Variants in XPO1 observed in about 807,000 individuals in gnomAD.
The protein encoded by XPO1 is exportin 1, also known as exportin-1.
A neutral mutation model predicts 133.3 loss-of-function variants in XPO1; 5 were observed. The observed-to-expected ratio is 0.04, with a 90% CI of 0.02 to 0.08. The LOEUF is 0.08. Ranked by LOEUF, XPO1 falls within the 10% of genes least tolerant of loss-of-function variation. The pLI is 1.00. For missense variants in XPO1, 506 were observed against 1,267.5 expected, an observed-to-expected ratio of 0.40 and a Z score of 9.12; for synonymous variants, 419 against 408.2, an observed-to-expected ratio of 1.03 and a Z score of -0.32.
At chr2:61,521,897 C>A (rs1026616365) in intron 4 of XPO1, among the ~76,000 whole-genome samples, 8 of 151,812 alleles carry the variant, frequency 5.3e-5, no homozygotes, top group Non-Finnish European at 7.4e-5. Flanking sequence ...CTGTCCCCGC[C>A]GCCACCTGCA....
chr2:61,495,661 A>G, intron 10 of XPO1, 48 bp from the exon 11 acceptor site: 1 of 1,468,880 alleles, frequency 6.8e-7, no homozygotes, highest in East Asian at 2.4e-5. Flanking sequence ...TAAAACAACT[A>G]AAGACACTTA....
In XPO1 at chr2:61,537,692, C is replaced by CG. The variant is rs1393459893; in HGVS notation, c.-138dup. ...ACCTCAAAAAAGGAAATTAAAAAAA[C>CG]GGACAGGAAAAGGGCAAAAAGAGCT... On this transcript the variant is annotated 5_prime_UTR_variant, in exon 1 of 25. Coordinates refer to ENST00000401558, the MANE Select transcript of XPO1 (RefSeq NM_003400.4). The CG allele has an allele frequency of 6.6e-6, 1 of 151,176 alleles. No homozygotes were observed. The highest frequency in any genetic ancestry group is 1.5e-5 in the Non-Finnish European group (1 of 67,914). 9.4% of individuals were successfully genotyped at this position (151,176 alleles called of 1,614,324 possible).
chr2:61,527,782 T>A lies in XPO1; in HGVS notation c.127-1261A>T, dbSNP rs576100285. Among the ~76,000 whole-genome samples the A allele has an allele frequency of 8.1e-4, 123 of 152,280 alleles. No individual in the cohort carries two copies. In the Middle Eastern group the frequency reaches 0.014, roughly 17 times the overall value. On this transcript the variant is annotated intron_variant, in intron 2 of 24. Coordinates refer to ENST00000401558, the MANE Select transcript of XPO1 (RefSeq NM_003400.4). ...TATTTCCGTTTTTATTTTCATATTT[T>A]TAACATGCAACCCAGAAATACTAAT... is the stretch of plus-strand genomic sequence containing the variant.
chr2:61,538,406 C>T (rs556238391), upstream of XPO1: 4 of 153,924 alleles, frequency 2.6e-5, no homozygotes, highest in Non-Finnish European at 4.3e-5. Context: ...CAGCTACAGC[C>T]GCGCCATGAG....
chr2:61,497,981 G>A (rs1325601688), intron 9 of XPO1, among the ~76,000 whole-genome samples: 2 of 152,164 alleles, frequency 1.3e-5, no homozygotes, highest in East Asian at 1.9e-4. Context: ...AGTTGAAGAG[G>A]TCAAGTTATA....
intron 4 of XPO1, among the ~76,000 whole-genome samples, chr2:61,515,937 C>CCACACACACACACACACACACA (rs35237510): frequency 2.7e-5 from 3 of 110,760 alleles, no homozygotes; most frequent in African/African-American, 1.2e-4. Context: ...AAAAAAAAAA[C>CCACACACACACACACACACACA]CACACACACA....
chr2:61,502,154 G>A, intron 5 of XPO1, 95 bp downstream of exon 5: 2 of 1,513,964 alleles, frequency 1.3e-6, no homozygotes, highest in Non-Finnish European at 1.8e-6. Context: ...CTGTGCATAT[G>A]TGTGACTATG....
chr2:61,526,343 T>C (rs943137930), intron 3 of XPO1, 77 bp downstream of exon 3: 6 of 1,517,064 alleles, frequency 4.0e-6, no homozygotes, highest in African/African-American at 2.8e-5. Context: ...ATGCTAATAC[T>C]AAAAATGAGA....
chr2:61,509,183 T>C (rs946924974), intron 4 of XPO1, among the ~76,000 whole-genome samples: 2 of 151,372 alleles, frequency 1.3e-5, no homozygotes, highest in African/African-American at 4.9e-5. Context: ...TTTTTTTTTT[T>C]AGGTAAAGAC....
chr2:61,486,986 CT>C (rs879523625), intron 19 of XPO1, among the ~76,000 whole-genome samples: 387 of 142,800 alleles, frequency 2.7e-3, no homozygotes, highest in Middle Eastern at 3.6e-3. Flanking sequence ...ACTTCTTGTT[CT>C]TTTTTTTTTT....
At chr2:61,485,675 A>G (rs1190783621) in intron 20 of XPO1, 93 bp downstream of exon 20, 1 of 1,071,514 alleles carries the variant, frequency 9.3e-7, no homozygotes. Context: ...CCATGGCATT[A>G]AAATTATGTT....
chr2:61,508,225 A>T (rs1697920552), intron 4 of XPO1, among the ~76,000 whole-genome samples: 1 of 152,170 alleles, frequency 6.6e-6, no homozygotes, highest in Admixed American at 6.6e-5. Context: ...TCAAAAAAAT[A>T]AAAATAAACA....
At chr2:61,494,188 T>G in intron 11 of XPO1, 97 bp from the exon 12 acceptor site, 1 of 1,140,830 alleles carries the variant, frequency 8.8e-7, no homozygotes, top group Non-Finnish European at 1.2e-6. Flanking sequence ...TAAAAATTCA[T>G]GTTTTATTCA....
At chr2:61,505,009 A>G (rs1219998073) in intron 4 of XPO1, among the ~76,000 whole-genome samples, 1 of 152,200 alleles carries the variant, frequency 6.6e-6, no homozygotes, top group East Asian at 1.9e-4. Flanking sequence ...TGGAAAATAT[A>G]TTTTTTACAT....
intron 2 of XPO1, among the ~76,000 whole-genome samples, chr2:61,530,600 GA>G (rs1335214881): frequency 1.3e-5 from 2 of 151,966 alleles, no homozygotes; most frequent in Non-Finnish European, 2.9e-5. Flanking sequence ...ACAGAGGGTA[GA>G]GGGTAGTCCT....
At chr2:61,500,563 G>C (rs999567124) in intron 6 of XPO1, among the ~76,000 whole-genome samples, 3 of 106,574 alleles carry the variant, frequency 2.8e-5, no homozygotes, top group African/African-American at 1.3e-4. Context: ...TGGGCAACAG[G>C]ATGAGACTCC....
At position 61,478,271 on chromosome 2, in the gene XPO1, A is replaced by G; in HGVS notation, c.*549T>C. 1 of 233,824 alleles carries G rather than the reference A, an allele frequency of 4.3e-6. No homozygotes were observed. The highest frequency in any genetic ancestry group is 8.5e-6 in the Non-Finnish European group (1 of 118,050). The allele number at this position is 233,824 out of a possible 1,614,324, so 14.5% of individuals were successfully genotyped here. On this transcript the variant is annotated 3_prime_UTR_variant, in exon 25 of 25. Coordinates refer to ENST00000401558, the MANE Select transcript of XPO1 (RefSeq NM_003400.4). ...TGAAGTCGCTTTACAATGGGATGAT[A>G]TGCACATGATCTTGCTGCAATCTTG... is the stretch of plus-strand genomic sequence containing the variant.
At chr2:61,487,239 A>C (rs1355663421) in intron 19 of XPO1, among the ~76,000 whole-genome samples, 1 of 151,910 alleles carries the variant, frequency 6.6e-6, no homozygotes, top group Non-Finnish European at 1.5e-5. Context: ...TTTAACATTA[A>C]TGTTACAAAA....
intron 4 of XPO1, among the ~76,000 whole-genome samples, chr2:61,505,722 C>G (rs992481973): frequency 6.6e-6 from 1 of 151,908 alleles, no homozygotes; most frequent in Non-Finnish European, 1.5e-5. Flanking sequence ...CCGCACCTGG[C>G]TTTTTTTTGT....
Sources: gnomAD v4.1 joint callset for allele counts (sites outside exome capture counted in the v4.1 genomes callset) on GRCh38, gnomAD v4.1.1 for gene constraint, MANE v1.5 for transcripts, NCBI Gene and HGNC (gene_info 2026-07-23, HGNC 2026-07-21) for gene names.